Variants in MORC1 observed in about 807,000 individuals in gnomAD.
MORC1 encodes MORC family CW-type zinc finger protein 1.
A neutral mutation model predicts 134.9 loss-of-function variants in MORC1; 59 were observed. That is an observed-to-expected ratio of 0.44 (90% CI 0.35 to 0.54). The LOEUF (loss-of-function observed/expected upper bound fraction) is 0.54. MORC1 is among the 20% of genes least tolerant of loss of function. MORC1 has a pLI of 0.00. For missense variants in MORC1, 947 were observed against 1,134.5 expected, an observed-to-expected ratio of 0.83 and a Z score of 2.37; for synonymous variants, 395 against 391.7, an observed-to-expected ratio of 1.01 and a Z score of -0.10.
intron 9 of MORC1, among the ~76,000 whole-genome samples, chr3:109,063,523 A>C (rs1329226539): frequency 6.6e-6 from 1 of 152,174 alleles, no homozygotes; most frequent in Non-Finnish European, 1.5e-5. Flanking sequence ...TCTTTAAAAA[A>C]TTCTATGAAG....
At chr3:108,970,090 G>A (rs1387591314) in intron 25 of MORC1, among the ~76,000 whole-genome samples, 1 of 152,014 alleles carries the variant, frequency 6.6e-6, no homozygotes, top group Non-Finnish European at 1.5e-5. Context: ...AACAGATGGG[G>A]AAGTCACTGG....
intron 9 of MORC1, among the ~76,000 whole-genome samples, chr3:109,063,655 A>T (rs1197356579): frequency 1.3e-5 from 2 of 152,198 alleles, no homozygotes; most frequent in African/African-American, 4.8e-5. Flanking sequence ...ATGCTGAGAA[A>T]CACACATTCA....
chr3:109,117,740 A>G (rs1330459250), intron 1 of MORC1, among the ~76,000 whole-genome samples: 2 of 152,234 alleles, frequency 1.3e-5, no homozygotes, highest in African/African-American at 4.8e-5. Context: ...ACAATTAAAC[A>G]GTTGTGTTAA....
chr3:109,076,935 C>G (rs1377877951), intron 8 of MORC1, among the ~76,000 whole-genome samples: 2 of 147,458 alleles, frequency 1.4e-5, no homozygotes, highest in Non-Finnish European at 1.5e-5. Context: ...ATGTAACAAA[C>G]CTGCAAGTTC....
intron 14 of MORC1, among the ~76,000 whole-genome samples, chr3:109,038,540 A>G (rs1159435318): frequency 6.6e-6 from 1 of 152,060 alleles, no homozygotes; most frequent in Non-Finnish European, 1.5e-5. Context: ...GGTATTGCCT[A>G]GGTTTTCTTC....
chr3:109,000,764 G>A (rs904036167), intron 20 of MORC1, 106 bp from the exon 21 acceptor site: 7 of 800,480 alleles, frequency 8.7e-6, no homozygotes, highest in African/African-American at 8.7e-5. Flanking sequence ...GCAGACTTTT[G>A]TAGGATATAT....
At chr3:109,096,974 C>T (rs1349746995) in intron 6 of MORC1, among the ~76,000 whole-genome samples, 1 of 151,984 alleles carries the variant, frequency 6.6e-6, no homozygotes, top group African/African-American at 2.4e-5. Flanking sequence ...ACAGGAGTTA[C>T]AAAAGGATAG....
chr3:108,979,270 C>T, intron 24 of MORC1, among the ~76,000 whole-genome samples: 1 of 152,170 alleles, frequency 6.6e-6, no homozygotes, highest in East Asian at 1.9e-4. Context: ...TTATTTATTA[C>T]ATTCAAGAGA....
At chr3:109,024,050 C>T (rs1949020275) in intron 17 of MORC1, among the ~76,000 whole-genome samples, 2 of 152,116 alleles carry the variant, frequency 1.3e-5, no homozygotes, top group South Asian at 4.1e-4. Flanking sequence ...GGAGGACAAC[C>T]CCTTTAGTCT....
intron 23 of MORC1, among the ~76,000 whole-genome samples, chr3:108,982,584 G>C (rs1947760157): frequency 1.9e-5 from 1 of 53,644 alleles, no homozygotes; most frequent in African/African-American, 9.7e-5. Context: ...GTCGTGGGAT[G>C]GGGGGGGCAG....
At chr3:109,041,847 A>T (rs1371810700) in intron 14 of MORC1, among the ~76,000 whole-genome samples, 1 of 151,958 alleles carries the variant, frequency 6.6e-6, no homozygotes. Flanking sequence ...TCTATCTCAA[A>T]GCATGAGAAT....
At chr3:108,984,693 T>G (rs370312012) in intron 23 of MORC1, 23 bp downstream of exon 23, 1 of 1,525,268 alleles carries the variant, frequency 6.6e-7, no homozygotes, top group South Asian at 1.2e-5. Context: ...CACTTGGAAT[T>G]TGTATAACTG....
chr3:108,972,445 A>C (rs1947413541), intron 24 of MORC1, among the ~76,000 whole-genome samples: 1 of 152,210 alleles, frequency 6.6e-6, no homozygotes, highest in Admixed American at 6.5e-5. Flanking sequence ...TATTTGTATT[A>C]ATACATATTT....
chr3:108,981,351 T>A (rs1947713722), intron 23 of MORC1, among the ~76,000 whole-genome samples: 1 of 152,218 alleles, frequency 6.6e-6, no homozygotes, highest in Non-Finnish European at 1.5e-5. Flanking sequence ...AACAGCTCTT[T>A]GGCATTAATT....
intron 14 of MORC1, among the ~76,000 whole-genome samples, chr3:109,048,713 T>C (rs2107654141): frequency 6.6e-6 from 1 of 152,294 alleles, no homozygotes; most frequent in African/African-American, 2.4e-5. Flanking sequence ...GGTCACCTTC[T>C]CCCTGTGTCC....
At chr3:109,040,829 C>CAAAAAAAAAAAAAAA (rs59122147) in intron 14 of MORC1, among the ~76,000 whole-genome samples, 19 of 108,600 alleles carry the variant, frequency 1.7e-4, no homozygotes, top group Non-Finnish European at 2.5e-4. Flanking sequence ...AACTCTGTGT[C>CAAAAAAAAAAAAAAA]AAAAAAAAAA....
chr3:109,036,677 G>T (rs905163497), intron 14 of MORC1, among the ~76,000 whole-genome samples: 1 of 152,072 alleles, frequency 6.6e-6, no homozygotes, highest in African/African-American at 2.4e-5. Flanking sequence ...TTGGCTCAGG[G>T]TGCTATGGGG....
At chr3:108,960,411 G>T (rs185757243) in intron 27 of MORC1, among the ~76,000 whole-genome samples, 285 of 152,308 alleles carry the variant, frequency 1.9e-3, no homozygotes, top group African/African-American at 6.6e-3. Context: ...TCAAAAAACT[G>T]TAACAGGAGA....
chr3:109,005,235 C>T lies in MORC1; in HGVS notation c.1848G>A (p.Ala616=), dbSNP rs375849576. 2.7e-5 allele frequency: 44 copies of T among 1,613,696 alleles called. No homozygotes were observed. In the Middle Eastern group the frequency reaches 4.9e-4, roughly 18 times the overall value. The change falls in exon 19 of 28, where the codon GCG becomes GCA. Residue 616 remains alanine, a synonymous_variant. Coordinates refer to ENST00000232603, the MANE Select transcript of MORC1 (RefSeq NM_014429.4). ...HESLSSFELS[A]SRRGQKRNIE... Reference sequence around the variant, plus strand: ...TGTTTCTTTTCTGTCCTCTACGGCTCGCTGAAAGCTCAAAGGATGAAAGAG... The same window carrying T: ...TGTTTCTTTTCTGTCCTCTACGGCTTGCTGAAAGCTCAAAGGATGAAAGAG...
Sources: gnomAD v4.1 joint callset for allele counts (sites outside exome capture counted in the v4.1 genomes callset) on GRCh38, gnomAD v4.1.1 for gene constraint, MANE v1.5 for transcripts, NCBI Gene and HGNC (gene_info 2026-07-23, HGNC 2026-07-21) for gene names.